TRIP12: variants seen among roughly 807,000 people sequenced by gnomAD.
TRIP12 encodes the protein thyroid hormone receptor interactor 12, also known as E3 ubiquitin-protein ligase TRIP12.
Under a neutral mutation model 244.2 loss-of-function variants are expected in TRIP12, and 25 were observed. That is an observed-to-expected ratio of 0.10 (90% CI 0.07 to 0.14). The LOEUF (loss-of-function observed/expected upper bound fraction) is 0.14, where lower values mean the gene tolerates loss of function less well. Ranked by LOEUF, TRIP12 falls within the 10% of genes least tolerant of loss-of-function variation. The probability of loss-of-function intolerance (pLI) is 1.00; values close to 1 mark genes in which losing one functional copy is unlikely to be tolerated. For missense variants in TRIP12, 1,677 were observed against 2,486.4 expected (o/e 0.67, Z 6.92); for synonymous variants, 905 against 873.1 (o/e 1.04, Z -0.64).
At position 229,859,281 on chromosome 2, in the gene TRIP12, C is replaced by G. The variant is rs767117512; in HGVS notation, c.518G>C (p.Ser173Thr). 6 of 1,614,192 alleles carry G rather than the reference C, an allele frequency of 3.7e-6. No individual in the cohort carries two copies. The highest frequency in any genetic ancestry group is 5.1e-6 in the Non-Finnish European group (6 of 1,180,036). Residue 173 changes from serine to threonine, a missense_variant, in exon 4 of 42, where the codon AGC becomes ACC. Coordinates refer to ENST00000675903, the MANE Select transcript of TRIP12 (RefSeq NM_001348323.3). ...QLKSAQSPST[S>T]KAHTRKSGAT... ...CCCACTCTTCCTGGTATGAGCCTTG[C>G]TTGTTGATGGTGATTGTGCAGATTT... is the stretch of plus-strand genomic sequence containing the variant.
At position 229,791,177 on chromosome 2, in the gene TRIP12, G is replaced by T; in HGVS notation, c.4490C>A (p.Ala1497Asp). 5 of 1,614,100 alleles carry T rather than the reference G, an allele frequency of 3.1e-6. No individual in the cohort carries two copies. Among genetic ancestry groups the T allele is most frequent in the Non-Finnish European group, 4.2e-6 (5 of 1,179,982 alleles). Reference protein sequence around the residue: ...VGGKRGRAQTAPTKTSPRNAK... With the variant: ...VGGKRGRAQTDPTKTSPRNAK... ...ATTTCTAGGGGAAGTTTTCGTTGGA[G>T]CTGTTTGGGCTCTTCCTCTTTTACC... is the stretch of plus-strand genomic sequence containing the variant. Residue 1497 changes from alanine (A) to aspartate (D), a missense_variant, in exon 30 of 42, where the codon GCT becomes GAT. This residue lies in a region of TRIP12 where 265 missense variants were observed against 370.8 expected (regional missense o/e 0.71). Transcript: ENST00000675903.
intron 4 of TRIP12, among the ~76,000 whole-genome samples, chr2:229,854,727 T>C (rs2059301816): frequency 6.6e-6 from 1 of 152,246 alleles, no homozygotes; most frequent in South Asian, 2.1e-4. Context: ...TAAACTATTT[T>C]CTGAAGTGAC....
intron 1 of TRIP12, among the ~76,000 whole-genome samples, chr2:229,913,578 G>A (rs1301093193): frequency 2.0e-5 from 3 of 152,200 alleles, no homozygotes; most frequent in Non-Finnish European, 4.4e-5. Flanking sequence ...TTAAGTAGCT[G>A]ATTTTAATGA....
chr2:229,793,355 G>T (rs950828468), intron 26 of TRIP12: 2 of 401,384 alleles, frequency 5.0e-6, no homozygotes, highest in Non-Finnish European at 8.9e-6. Flanking sequence ...GGATGTGTAT[G>T]CATGCATATG....
chr2:229,806,361 G>A (rs553103684), intron 17 of TRIP12, among the ~76,000 whole-genome samples: 1 of 152,124 alleles, frequency 6.6e-6, no homozygotes, highest in Admixed American at 6.5e-5. Context: ...ATAACTTTAA[G>A]ACTGAAAGGG....
intron 8 of TRIP12, 83 bp from the exon 9 acceptor site, chr2:229,818,595 G>A: frequency 7.6e-7 from 1 of 1,319,718 alleles, no homozygotes; most frequent in Non-Finnish European, 1.0e-6. Context: ...AATGTAATTG[G>A]TTGCTTATCT....
chr2:229,920,461 A>T (rs1577260909), intron 1 of TRIP12, among the ~76,000 whole-genome samples: 1 of 151,584 alleles, frequency 6.6e-6, no homozygotes, highest in Non-Finnish European at 1.5e-5. Flanking sequence ...TATTAACCGT[A>T]CCCGCCTCCC....
chr2:229,880,022 T>C lies in TRIP12; in HGVS notation c.58A>G (p.Thr20Ala). Residue 20 changes from threonine (T) to alanine (A), a missense_variant, in exon 2 of 42, where the codon ACT (threonine) becomes GCT (alanine). Coordinates refer to ENST00000675903, the MANE Select transcript of TRIP12 (RefSeq NM_001348323.3). Reference sequence around the variant, plus strand: ...TCGTCTTGTGGTTGGGCCCCGGCAGTGTTCCTCTGTGAACGTCGCAGTGAC... The same window carrying C: ...TCGTCTTGTGGTTGGGCCCCGGCAGCGTTCCTCTGTGAACGTCGCAGTGAC... Reference protein sequence around the residue: ...GGSLRRSQRNTAGAQPQDDSI... With the variant: ...GGSLRRSQRNAAGAQPQDDSI... 1 of 1,614,174 alleles carries C rather than the reference T, an allele frequency of 6.2e-7. No homozygotes were observed. The highest frequency in any genetic ancestry group is 2.2e-5 in the East Asian group (1 of 44,886).
At chr2:229,791,789 AAGTTAATGTG>A (rs2041613862) in intron 29 of TRIP12, 67 bp downstream of exon 29, 1 of 1,476,600 alleles carries the variant, frequency 6.8e-7, no homozygotes. Context: ...GCCAGCCATT[AAGTTAATGTG>A]AATTCTAAAA....
At chr2:229,790,722 C>T (rs1242239211) in intron 30 of TRIP12, among the ~76,000 whole-genome samples, 2 of 152,148 alleles carry the variant, frequency 1.3e-5, no homozygotes, top group African/African-American at 4.8e-5. Context: ...CATTACCTGG[C>T]ATCACTTTTT....
Position 229,769,217 on chromosome 2 carries a change from A to G in TRIP12, c.5903+14T>C, listed in dbSNP as rs1301392721. The G allele has an allele frequency of 1.2e-6, 2 of 1,601,580 alleles. No individual in the cohort carries two copies. Among genetic ancestry groups the G allele is most frequent in the Admixed American group, 3.4e-5 (2 of 58,200 alleles). ...TCAGAATCAACAGAAAAACTGGCAG[A>G]CCCCAGTACTTACCTGTCATGAGTA... is the stretch of plus-strand genomic sequence containing the variant. On this transcript the variant is annotated intron_variant, in intron 40 of 41. Coordinates refer to ENST00000675903, the MANE Select transcript of TRIP12 (RefSeq NM_001348323.3).
At chr2:229,874,992 C>A (rs1429749004) in intron 2 of TRIP12, among the ~76,000 whole-genome samples, 1 of 152,104 alleles carries the variant, frequency 6.6e-6, no homozygotes, top group African/African-American at 2.4e-5. Context: ...CCTACAAATA[C>A]CTGTGCTAGA....
chr2:229,804,054 A>G lies in TRIP12; in HGVS notation c.2824T>C (p.Tyr942His). ...TTCAGAAGTTCAGCATCCGCAAAAT[A>G]AATTATCCTAAGAATTGCTCTAAGG... The part of the protein sequence containing the change: ...KCLRAILRII[Y>H]FADAELLKDV... Residue 942 changes from tyrosine (Y) to histidine (H), a missense_variant, in exon 19 of 42, where the codon TAT (tyrosine) becomes CAT (histidine). Transcript: ENST00000675903. 2 of 1,614,136 alleles carry G rather than the reference A, an allele frequency of 1.2e-6. No individual in the cohort carries two copies. Among genetic ancestry groups the G allele is most frequent in the Non-Finnish European group, 1.7e-6 (2 of 1,180,004 alleles).
At chr2:229,800,720 G>T (rs1160505905) in intron 21 of TRIP12, among the ~76,000 whole-genome samples, 1 of 152,116 alleles carries the variant, frequency 6.6e-6, no homozygotes, top group African/African-American at 2.4e-5. Flanking sequence ...ATAATCAACT[G>T]TTAGACTCTA....
chr2:229,773,994 G>C, intron 38 of TRIP12, 103 bp downstream of exon 38: 1 of 1,237,158 alleles, frequency 8.1e-7, no homozygotes, highest in Non-Finnish European at 1.1e-6. Flanking sequence ...CTGGGGATGT[G>C]GAAGGTCTCA....
chr2:229,858,961 A>C lies in TRIP12; in HGVS notation c.838T>G (p.Ser280Ala), dbSNP rs758366814. 2.5e-6 allele frequency: 4 copies of C among 1,614,044 alleles called. No individual in the cohort carries two copies. In the Admixed American group the frequency reaches 5.0e-5, roughly 20 times the overall value. ...CTACTTCTTCTGGGGCTGGGACTGG[A>C]CGCTGAACGGGAACGCCTGGCCTTG... Reference protein sequence around the residue: ...QNKARRSRSASSPSPRRSSRE... With the variant: ...QNKARRSRSAASPSPRRSSRE... The change falls in exon 4 of 42, where the codon TCC becomes GCC. Residue 280 changes from serine (S) to alanine (A), a missense_variant. By Grantham distance (99) the Ser-to-Ala change is moderately conservative. Transcript: ENST00000675903.
intron 15 of TRIP12, among the ~76,000 whole-genome samples, chr2:229,809,762 C>A (rs374673082): frequency 1.3e-5 from 2 of 152,126 alleles, no homozygotes; most frequent in African/African-American, 4.8e-5. Context: ...CAATGCTTTA[C>A]GGAGAATCTT....
At chr2:229,770,838 G>A (rs1320383456) in intron 39 of TRIP12, among the ~76,000 whole-genome samples, 3 of 152,136 alleles carry the variant, frequency 2.0e-5, no homozygotes, top group African/African-American at 7.2e-5. Flanking sequence ...CCCCGCACAA[G>A]CTCTCGTCTT....
intron 1 of TRIP12, among the ~76,000 whole-genome samples, chr2:229,881,363 G>T (rs1302609864): frequency 6.6e-6 from 1 of 152,214 alleles, no homozygotes; most frequent in Non-Finnish European, 1.5e-5. Context: ...TAAGCCTGCA[G>T]TCAAATTCCA....
Sources: gnomAD v4.1 joint callset for allele counts (sites outside exome capture counted in the v4.1 genomes callset) on GRCh38, gnomAD v4.1.1 for gene constraint, gnomAD v4.1.1 regional missense constraint, MANE v1.5 for transcripts, NCBI Gene and HGNC (gene_info 2026-07-23, HGNC 2026-07-21) for gene names.